The following DNAH11 variants were observed in gnomAD, a reference collection of about 807,000 sequenced individuals.
DNAH11 encodes the protein dynein axonemal heavy chain 11, also known as axonemal beta dynein heavy chain 11.
A neutral mutation model predicts 526.0 loss-of-function variants in DNAH11; 442 were observed. That is an observed-to-expected ratio of 0.84 (90% confidence interval 0.78 to 0.91). The LOEUF is 0.91. Among genes scored for constraint, DNAH11 ranks in the 40% least tolerant of loss-of-function variants. The probability of loss-of-function intolerance (pLI) is 0.00; values close to 1 mark genes in which losing one functional copy is unlikely to be tolerated. For missense variants in DNAH11, 6,989 were observed against 5,448.7 expected, an observed-to-expected ratio of 1.28 and a Z score of -8.90; for synonymous variants, 2,461 against 1,935.9, an observed-to-expected ratio of 1.27 and a Z score of -7.12.
intron 26 of DNAH11, among the ~76,000 whole-genome samples, chr7:21,637,228 C>T (rs916482185): frequency 4.6e-5 from 7 of 151,784 alleles, no homozygotes; most frequent in Non-Finnish European, 1.0e-4. Flanking sequence ...CTTTCTCTCT[C>T]CTTCTCCTCC....
intron 66 of DNAH11, among the ~76,000 whole-genome samples, chr7:21,846,888 T>C (rs1015927063): frequency 6.6e-6 from 1 of 152,182 alleles, no homozygotes; most frequent in African/African-American, 2.4e-5. Flanking sequence ...TTAATGCATA[T>C]AGGCCTTTTC....
intron 65 of DNAH11, among the ~76,000 whole-genome samples, chr7:21,820,517 A>G (rs1324111167): frequency 2.0e-5 from 3 of 152,194 alleles, no homozygotes; most frequent in Non-Finnish European, 4.4e-5. Flanking sequence ...CCTAATTTCA[A>G]ATAGTAAAAC....
Position 21,571,791 on chromosome 7 carries a change from G to A in DNAH11, c.1426-15G>A, listed in dbSNP as rs1293397448. 35 of 1,596,716 alleles carry A rather than the reference G, an allele frequency of 2.2e-5. No individual in the cohort carries two copies. The highest frequency in any genetic ancestry group is 2.8e-5 in the Non-Finnish European group (33 of 1,173,082). ...TCAATGTAGTGGAAAGGTCTTTACT[G>A]TGTTTTTTACAAAGGATATATTTGC... On this transcript the variant is annotated splice_polypyrimidine_tract_variant and intron_variant, in intron 7 of 81. Coordinates refer to ENST00000409508, the MANE Select transcript of DNAH11 (RefSeq NM_001277115.2).
At chr7:21,888,670 A>G (rs1198764095) in intron 76 of DNAH11, among the ~76,000 whole-genome samples, 1 of 151,940 alleles carries the variant, frequency 6.6e-6, no homozygotes, top group African/African-American at 2.4e-5. Context: ...TCGTATTTTT[A>G]GTAGAGATGG....
At chr7:21,741,816 AG>A (rs763127021) in intron 48 of DNAH11, 110 bp from the exon 49 acceptor site, 6 of 1,262,184 alleles carry the variant, frequency 4.8e-6, no homozygotes, top group Non-Finnish European at 6.5e-6. Flanking sequence ...AGCACTAAAA[AG>A]CTACATGGTA....
intron 20 of DNAH11, among the ~76,000 whole-genome samples, chr7:21,612,521 C>G (rs924987826): frequency 7.0e-6 from 1 of 142,634 alleles, no homozygotes; most frequent in Non-Finnish European, 1.5e-5. Flanking sequence ...CACCACTGCA[C>G]TCCAGCCTGG....
intron 70 of DNAH11, among the ~76,000 whole-genome samples, chr7:21,865,959 G>A (rs763330370): frequency 1.2e-4 from 19 of 152,188 alleles, no homozygotes; most frequent in Non-Finnish European, 1.2e-4. Context: ...GTGTAGCAGT[G>A]AGGACAACCA....
At chr7:21,834,023 C>T (rs1180791140) in intron 65 of DNAH11, among the ~76,000 whole-genome samples, 1 of 152,326 alleles carries the variant, frequency 6.6e-6, no homozygotes, top group East Asian at 1.9e-4. Context: ...GTTTACAGAA[C>T]ATTCCACCCA....
At position 21,784,499 on chromosome 7, in the gene DNAH11, G is replaced by C; in HGVS notation, c.9556G>C (p.Ala3186Pro). Residue 3186 changes from alanine to proline, a missense_variant, in exon 58 of 82, where the codon GCA (alanine) becomes CCA (proline). Physicochemically the swap from Ala to Pro is conservative, Grantham distance 27 (BLOSUM62 -1). Transcript: ENST00000409508. Reference protein sequence around the residue: ...CEADLLKAEPALVAATAALNT... With the variant: ...CEADLLKAEPPLVAATAALNT... ...AGCTGACTTACTCAAGGCTGAGCCT[G>C]CACTGGTGGCTGCTACAGCTGCACT... is the stretch of plus-strand genomic sequence containing the variant. 6.2e-7 allele frequency: 1 copy of C among 1,613,250 alleles called. No homozygotes were observed. The highest frequency in any genetic ancestry group is 8.5e-7 in the Non-Finnish European group (1 of 1,179,544).
intron 2 of DNAH11, among the ~76,000 whole-genome samples, chr7:21,556,863 A>G (rs959928569): frequency 6.6e-6 from 1 of 152,142 alleles, no homozygotes; most frequent in Non-Finnish European, 1.5e-5. Context: ...GGAGTTTGAA[A>G]CCAGCCTGAC....
chr7:21,897,743 A>C (rs1784574169), intron 79 of DNAH11, among the ~76,000 whole-genome samples: 1 of 152,074 alleles, frequency 6.6e-6, no homozygotes, highest in Admixed American at 6.5e-5. Context: ...CAGCCTCCCT[A>C]GTAGCTGGGA....
At chr7:21,890,851 A>C (rs1562606239) in intron 76 of DNAH11, among the ~76,000 whole-genome samples, 2 of 152,308 alleles carry the variant, frequency 1.3e-5, no homozygotes, top group East Asian at 3.9e-4. Flanking sequence ...TCCCATATTC[A>C]TCGGGTCAAG....
At chr7:21,752,293 T>G (rs1786448708) in intron 54 of DNAH11, among the ~76,000 whole-genome samples, 1 of 152,228 alleles carries the variant, frequency 6.6e-6, no homozygotes, top group Admixed American at 6.5e-5. Flanking sequence ...CCTTCAAATT[T>G]TTAGATGCTC....
chr7:21,805,495 C>A (rs918401508), intron 62 of DNAH11, among the ~76,000 whole-genome samples: 1 of 152,098 alleles, frequency 6.6e-6, no homozygotes, highest in Non-Finnish European at 1.5e-5. Context: ...TGAAGACTTG[C>A]TCTTCTTAGG....
intron 45 of DNAH11, among the ~76,000 whole-genome samples, chr7:21,735,031 G>A (rs531612926): frequency 9.3e-5 from 14 of 150,690 alleles, no homozygotes; most frequent in African/African-American, 3.2e-4. Flanking sequence ...TTAGCCGGGC[G>A]TGGTGGTGCA....
At position 21,745,173 on chromosome 7, in the gene DNAH11, C is replaced by G. The variant is rs1306109638; in HGVS notation, c.8510+110C>G. On this transcript the variant is annotated intron_variant, in intron 51 of 81. Transcript: ENST00000409508. ...AGCACTCTGAACCATCAGTTCTTATCTGCTGTTTGACATATAATTTTAAAA... is the reference window on the plus strand; with the variant it reads ...AGCACTCTGAACCATCAGTTCTTATGTGCTGTTTGACATATAATTTTAAAA... 5 of 1,102,666 alleles carry G rather than the reference C, an allele frequency of 4.5e-6. No homozygotes were observed. The African/African-American group carries it at 6.4e-5, about 14-fold the overall frequency. The allele number at this position is 1,102,666 out of a possible 1,614,324, so 68.3% of individuals were successfully genotyped here.
chr7:21,849,841 T>A (rs73279813), intron 66 of DNAH11, among the ~76,000 whole-genome samples: 27,968 of 152,102 alleles, frequency 0.18, 5,523 homozygotes, highest in African/African-American at 0.49. Flanking sequence ...TCCTGGATCT[T>A]TGGTTTGGTA....
intron 42 of DNAH11, 143 bp from the exon 43 acceptor site, chr7:21,717,632 C>T: frequency 2.2e-6 from 2 of 918,898 alleles, no homozygotes; most frequent in Non-Finnish European, 3.1e-6. Context: ...AAAATATTTG[C>T]AGTTTGAAAA....
chr7:21,897,789 T>C (rs1304659001), intron 79 of DNAH11, among the ~76,000 whole-genome samples: 2 of 151,980 alleles, frequency 1.3e-5, no homozygotes, highest in African/African-American at 4.8e-5. Context: ...GCCAACTTTG[T>C]TATTTTTAGT....
Sources: gnomAD v4.1 joint callset for allele counts (sites outside exome capture counted in the v4.1 genomes callset) on GRCh38, gnomAD v4.1.1 for gene constraint, MANE v1.5 for transcripts, NCBI Gene and HGNC (gene_info 2026-07-23, HGNC 2026-07-21) for gene names.